Variants in HLCS observed in about 807,000 individuals in gnomAD.
HLCS encodes biotin--protein ligase.
A neutral mutation model predicts 75.0 loss-of-function variants in HLCS; 53 were observed. The observed-to-expected ratio is 0.71, with a 90% CI of 0.57 to 0.89. The LOEUF (loss-of-function observed/expected upper bound fraction) is 0.89. HLCS is among the 40% of genes least tolerant of loss of function. HLCS has a pLI of 0.00. For missense variants in HLCS, 966 were observed against 1,074.0 expected, an observed-to-expected ratio of 0.90 and a Z score of 1.41; for synonymous variants, 431 against 428.6, an observed-to-expected ratio of 1.01 and a Z score of -0.07.
chr21:36,859,329 G>T (rs958657521), intron 6 of HLCS, among the ~76,000 whole-genome samples: 1 of 152,194 alleles, frequency 6.6e-6, no homozygotes, highest in Admixed American at 6.5e-5. Flanking sequence ...CCAGCTTGGA[G>T]TTTTTTGTCT....
rs1180955363 is a variant in HLCS at position 36,752,716 on chromosome 21, C to A, written c.*1530G>T. The A allele has an allele frequency of 6.6e-6, 1 of 152,230 alleles. No individual in the cohort carries two copies. The highest frequency in any genetic ancestry group is 1.5e-5 in the Non-Finnish European group (1 of 67,974). The allele number at this position is 152,230 out of a possible 1,614,324, so 9.4% of individuals were successfully genotyped here. Reference sequence around the variant, plus strand: ...ATTTCCAAAAATTACTTTTTAAGTTCTTTTAATGTTTCATTTCCAAAAAAT... The same window carrying A: ...ATTTCCAAAAATTACTTTTTAAGTTATTTTAATGTTTCATTTCCAAAAAAT... On this transcript the variant is annotated 3_prime_UTR_variant, in exon 11 of 11. Transcript: ENST00000674895.
At chr21:36,926,685 A>C (rs575176965) in intron 5 of HLCS, among the ~76,000 whole-genome samples, 3 of 151,966 alleles carry the variant, frequency 2.0e-5, no homozygotes, top group Non-Finnish European at 1.5e-5. Flanking sequence ...ATCACCCTTA[A>C]GCACTCCACC....
At chr21:36,756,405 C>T (rs574039619) in intron 10 of HLCS, 137 bp downstream of exon 10, 69 of 664,828 alleles carry the variant, frequency 1.0e-4, no homozygotes, top group African/African-American at 8.1e-4. Context: ...GAGCCAAGAT[C>T]GTGCCACTGC....
chr21:36,937,985 A>G (rs1280875966), intron 3 of HLCS, among the ~76,000 whole-genome samples: 2 of 152,238 alleles, frequency 1.3e-5, no homozygotes, highest in Non-Finnish European at 2.9e-5. Flanking sequence ...AGGGATTTAC[A>G]TAAACTTCCA....
intron 5 of HLCS, among the ~76,000 whole-genome samples, chr21:36,916,854 A>G (rs750407068): frequency 6.6e-6 from 1 of 152,172 alleles, no homozygotes; most frequent in Non-Finnish European, 1.5e-5. Flanking sequence ...CCCCGGGCCA[A>G]GTAGAAACTA....
upstream of HLCS, among the ~76,000 whole-genome samples, chr21:36,967,408 T>C (rs2068654197): frequency 6.6e-6 from 1 of 152,202 alleles, no homozygotes; most frequent in Non-Finnish European, 1.5e-5. Flanking sequence ...GAAGGCTCCC[T>C]ATGGTGTTCT....
At chr21:36,889,722 G>A (rs2064693540) in intron 6 of HLCS, among the ~76,000 whole-genome samples, 1 of 152,220 alleles carries the variant, frequency 6.6e-6, no homozygotes, top group Admixed American at 6.5e-5. Flanking sequence ...GAAGTTCACT[G>A]TCCCAGACAC....
intron 1 of HLCS, chr21:36,980,234 G>A (rs992325010): frequency 2.0e-5 from 3 of 151,336 alleles, no homozygotes; most frequent in Non-Finnish European, 2.9e-5. Context: ...CTCAACCACA[G>A]GGCTAGTATG....
intron 5 of HLCS, among the ~76,000 whole-genome samples, chr21:36,910,543 A>G (rs1165008762): frequency 7.8e-6 from 1 of 128,832 alleles, no homozygotes; most frequent in African/African-American, 2.9e-5. Context: ...AAGACTCTGT[A>G]TGGAAAAAAA....
chr21:36,924,731 G>A (rs942654640), intron 5 of HLCS, among the ~76,000 whole-genome samples: 4 of 152,100 alleles, frequency 2.6e-5, no homozygotes, highest in Non-Finnish European at 5.9e-5. Context: ...TAACTAGAAC[G>A]CATGCCACAA....
intron 9 of HLCS, chr21:36,757,006 GA>G (rs2089629697): frequency 5.3e-6 from 5 of 943,326 alleles, no homozygotes; most frequent in Middle Eastern, 5.4e-4. Flanking sequence ...TGGGAAAAAA[GA>G]AAGCCACATT....
intron 4 of HLCS, among the ~76,000 whole-genome samples, chr21:36,933,473 C>T (rs555194081): frequency 3.1e-4 from 46 of 149,822 alleles, no homozygotes; most frequent in African/African-American, 1.1e-3. Context: ...ATCACTTGAA[C>T]CCGGGAAGCA....
At chr21:36,893,381 AT>A (rs897382000) in intron 6 of HLCS, among the ~76,000 whole-genome samples, 21 of 152,052 alleles carry the variant, frequency 1.4e-4, no homozygotes, top group African/African-American at 5.1e-4. Flanking sequence ...CATATCCAAC[AT>A]TTTTTATAAA....
In HLCS at chr21:36,966,458, C is replaced by G; in HGVS notation, c.181G>C (p.Val61Leu). 1.8e-6 allele frequency: 1 copy of G among 563,614 alleles called. No individual in the cohort carries two copies. The highest frequency in any genetic ancestry group is 2.2e-6 in the Non-Finnish European group (1 of 449,842). 34.9% of individuals were successfully genotyped at this position (563,614 alleles called of 1,614,324 possible). ...GACCCGCCCACCTGGCTGTCGCTGA[C>G]GCAGAAGACGCGGCCGCCACGGCTC... ...CLSRGGRVFCVSDSQSIEDLN... is the reference protein window; with the variant it reads ...CLSRGGRVFCLSDSQSIEDLN... The change falls in exon 1 of 11, where the codon GTC becomes CTC. Residue 61 changes from valine (V) to leucine (L), a missense_variant. Transcript: ENST00000674895.
intron 6 of HLCS, among the ~76,000 whole-genome samples, chr21:36,784,714 A>C (rs2060636657): frequency 6.6e-6 from 1 of 152,114 alleles, no homozygotes; most frequent in African/African-American, 2.4e-5. Flanking sequence ...TAATAACATC[A>C]AAATGGGGTT....
intron 5 of HLCS, among the ~76,000 whole-genome samples, chr21:36,898,496 C>T (rs1048281981): frequency 1.4e-5 from 2 of 141,370 alleles, no homozygotes; most frequent in Non-Finnish European, 3.1e-5. Flanking sequence ...CAGAAGAAAT[C>T]CAGGGGATAA....
intron 1 of HLCS, chr21:36,974,832 C>T (rs1166515772): frequency 6.6e-6 from 1 of 152,194 alleles, no homozygotes; most frequent in Non-Finnish European, 1.5e-5. Context: ...TTCTAGCTTC[C>T]AGAACTGGGG....
intron 2 of HLCS, among the ~76,000 whole-genome samples, chr21:36,955,167 G>A (rs945451723): frequency 2.0e-5 from 3 of 152,190 alleles, no homozygotes; most frequent in Admixed American, 6.5e-5. Flanking sequence ...CTCCATGCAC[G>A]TTACTGCCCG....
rs138731833 is a variant in HLCS, at chr21:36,978,169, G to A, written c.-393+11989C>T. Among the ~76,000 whole-genome samples, 10 of 152,218 alleles carry A rather than the reference G, an allele frequency of 6.6e-5. No individual in the cohort carries two copies. In the East Asian group the frequency reaches 1.2e-3, roughly 18 times the overall value. ...AAACAAGTCAGTTTCCAAGTCCTAC[G>A]CTGCTGCTTTTATCATCCCATTAAT... On this transcript the variant is annotated intron_variant, in intron 1 of 11. Coordinates refer to the HLCS transcript ENST00000336648.
Sources: gnomAD v4.1 joint callset for allele counts (sites outside exome capture counted in the v4.1 genomes callset) on GRCh38, gnomAD v4.1.1 for gene constraint, MANE v1.5 for transcripts, NCBI Gene and HGNC (gene_info 2026-07-23, HGNC 2026-07-21) for gene names.